The following IFT74 variants were observed in gnomAD, a reference collection of about 807,000 sequenced individuals.
The protein encoded by IFT74 is intraflagellar transport protein 74 homolog.
In IFT74, 92 loss-of-function variants were observed where a neutral mutation model predicts 96.7. The ratio of observed to expected loss-of-function variants is 0.95; its 90% confidence interval spans 0.80 to 1.13. The LOEUF is 1.13. Ranked by LOEUF, IFT74 falls within the 50% of genes most tolerant of loss-of-function variation. IFT74 has a pLI of 0.00. For missense variants in IFT74, 811 were observed against 698.2 expected (o/e 1.16, Z -1.82); for synonymous variants, 223 against 213.2 (o/e 1.05, Z -0.40).
At chr9:26,997,901 A>G (rs778016160) in intron 8 of IFT74, 17 of 1,614,036 alleles carry the variant, frequency 1.1e-5, no homozygotes, top group East Asian at 2.2e-5. Context: ...TAGAGGCACA[A>G]ATACATCAGC....
intron 2 of IFT74, among the ~76,000 whole-genome samples, chr9:26,976,144 A>G (rs968822019): frequency 6.6e-6 from 1 of 151,990 alleles, no homozygotes; most frequent in Non-Finnish European, 1.5e-5. Context: ...GTTTGTCACA[A>G]TGGGTGGGTC....
intron 16 of IFT74, among the ~76,000 whole-genome samples, chr9:27,049,104 C>T (rs899906427): frequency 2.6e-5 from 4 of 152,132 alleles, no homozygotes; most frequent in African/African-American, 9.7e-5. Flanking sequence ...CATGCAGGCT[C>T]CCCTTTGCCT....
At chr9:27,020,032 G>A (rs1039978375) in intron 12 of IFT74, among the ~76,000 whole-genome samples, 1 of 150,882 alleles carries the variant, frequency 6.6e-6, no homozygotes, top group Non-Finnish European at 1.5e-5. Flanking sequence ...CTGGAATGCA[G>A]TGGTGCAATC....
rs758251288 is a variant in IFT74, at chr9:27,062,732, A to G, written c.1799A>G (p.Asn600Ser). 8 of 1,544,074 alleles carry G rather than the reference A, an allele frequency of 5.2e-6. No individual in the cohort carries two copies. In the South Asian group the frequency reaches 9.2e-5, roughly 18 times the overall value. Residue 600 changes from asparagine to serine, a missense_variant, in exon 20 of 20, where the codon AAC becomes AGC. By Grantham distance (46) the Asn-to-Ser change is conservative. Transcript: ENST00000380062. ...GATGCTTTACATAGCACCAGCGGAA[A>G]CTGAGTTTAAGTCCACTGAAAGTCT... ...IVDALHSTSG[N>S]
intron 8 of IFT74, among the ~76,000 whole-genome samples, chr9:27,006,992 A>G (rs1442158889): frequency 6.6e-6 from 1 of 151,386 alleles, no homozygotes; most frequent in Non-Finnish European, 1.5e-5. Flanking sequence ...GCCCACCATC[A>G]CGCCCAGCTA....
At chr9:27,001,178 T>G (rs565010631) in intron 8 of IFT74, among the ~76,000 whole-genome samples, 3 of 152,288 alleles carry the variant, frequency 2.0e-5, no homozygotes, top group Non-Finnish European at 4.4e-5. Flanking sequence ...TGTATATATA[T>G]GCTACTTTTT....
chr9:26,973,632 C>G (rs1009068684), intron 2 of IFT74, among the ~76,000 whole-genome samples: 22 of 152,134 alleles, frequency 1.4e-4, no homozygotes, highest in Admixed American at 4.6e-4. Context: ...GATTAGTTCC[C>G]ACCTCAGGGA....
At position 27,063,857 on chromosome 9, in the gene IFT74, C is replaced by T. The variant is rs2131721996; in HGVS notation, c.*1121C>T. Among the ~76,000 whole-genome samples the T allele has an allele frequency of 6.6e-6, 1 of 152,034 alleles. No homozygotes were observed. The highest frequency in any genetic ancestry group is 2.4e-5 in the African/African-American group (1 of 41,520). ...AGTGAGCATTGTTGAGTTTGCTGAA[C>T]TCTGGATTACTAATATGGCTGAAGA... On this transcript the variant is annotated 3_prime_UTR_variant, in exon 20 of 20. Transcript: ENST00000380062.
chr9:26,965,807 T>C (rs1826583314), intron 2 of IFT74, among the ~76,000 whole-genome samples: 1 of 152,082 alleles, frequency 6.6e-6, no homozygotes, highest in Admixed American at 6.6e-5. Flanking sequence ...TTGTAATCTT[T>C]AGTGTCTGTT....
rs922011242 is a variant in IFT74 at position 27,064,733 on chromosome 9, C to T, written c.*1997C>T. 6.6e-6 allele frequency among the ~76,000 whole-genome samples: 1 copy of T among 151,940 alleles called. No homozygotes were observed. Among genetic ancestry groups the T allele is most frequent in the African/African-American group, 2.4e-5 (1 of 41,384 alleles). ...TTGAAAGCAAATTTAAATGCCTTTA[C>T]TTTTTCCTTAGGTTTTTTTTTATGA... On this transcript the variant is annotated 3_prime_UTR_variant, in exon 20 of 20. Transcript: ENST00000380062.
At chr9:26,997,886 C>A in intron 8 of IFT74, 2 of 1,614,114 alleles carry the variant, frequency 1.2e-6, no homozygotes, top group Middle Eastern at 1.6e-4. Flanking sequence ...AAGTTTTAGG[C>A]TTCTTAGAGG....
intron 1 of IFT74, among the ~76,000 whole-genome samples, chr9:26,957,239 C>G (rs994971783): frequency 6.6e-6 from 1 of 152,096 alleles, no homozygotes; most frequent in Admixed American, 6.5e-5. Flanking sequence ...TAATGGTAAG[C>G]TTTTTTTCAC....
At chr9:26,998,101 T>A in intron 8 of IFT74, 1 of 1,613,430 alleles carries the variant, frequency 6.2e-7, no homozygotes. Flanking sequence ...GCTCTGTGAG[T>A]AAAAAGTATG....
intron 2 of IFT74, among the ~76,000 whole-genome samples, chr9:26,974,984 A>T (rs181327649): frequency 6.6e-6 from 1 of 152,186 alleles, no homozygotes; most frequent in Admixed American, 6.5e-5. Flanking sequence ...TCCTTTTTAC[A>T]TTGTTCTATC....
intron 10 of IFT74, among the ~76,000 whole-genome samples, chr9:27,012,340 A>G (rs774284597): frequency 1.8e-4 from 27 of 152,192 alleles, no homozygotes; most frequent in Non-Finnish European, 3.8e-4. Flanking sequence ...CTCCCTCCTC[A>G]GGTTCCCAAG....
intron 12 of IFT74, among the ~76,000 whole-genome samples, chr9:27,020,572 T>A (rs1480111452): frequency 6.6e-6 from 1 of 151,686 alleles, no homozygotes; most frequent in Non-Finnish European, 1.5e-5. Context: ...CCTCCCAGGT[T>A]CATGCCATTC....
At chr9:27,003,786 C>A (rs1828631151) in intron 8 of IFT74, among the ~76,000 whole-genome samples, 2 of 152,190 alleles carry the variant, frequency 1.3e-5, no homozygotes, top group Admixed American at 1.3e-4. Flanking sequence ...ATAATAGAAT[C>A]CCTTTTAGAG....
At chr9:27,043,858 A>ATC (rs1225897497) in intron 13 of IFT74, among the ~76,000 whole-genome samples, 1 of 152,198 alleles carries the variant, frequency 6.6e-6, no homozygotes, top group Non-Finnish European at 1.5e-5. Context: ...GGCAGCTTTC[A>ATC]TCTTTCACCC....
At chr9:27,006,871 C>G (rs1398998849) in intron 8 of IFT74, among the ~76,000 whole-genome samples, 1 of 113,832 alleles carries the variant, frequency 8.8e-6, no homozygotes, top group Non-Finnish European at 1.6e-5. Context: ...GAGTCTCGCT[C>G]TGTCACCCAG....
Sources: gnomAD v4.1 joint callset for allele counts (sites outside exome capture counted in the v4.1 genomes callset) on GRCh38, gnomAD v4.1.1 for gene constraint, MANE v1.5 for transcripts, NCBI Gene and HGNC (gene_info 2026-07-23, HGNC 2026-07-21) for gene names.